SLC44A2: variants seen among roughly 807,000 people sequenced by gnomAD.
SLC44A2 encodes choline transporter-like protein 2.
SLC44A2 carries 57 observed loss-of-function variants against 90.8 expected under a neutral mutation model. The observed-to-expected ratio is 0.63, with a 90% CI of 0.51 to 0.78. The LOEUF (loss-of-function observed/expected upper bound fraction) is 0.78. SLC44A2 is among the 30% of genes least tolerant of loss of function. The probability of loss-of-function intolerance (pLI) is 0.00; values close to 1 mark genes in which losing one functional copy is unlikely to be tolerated. For synonymous variants in SLC44A2, 355 were observed against 360.7 expected (o/e 0.98, Z 0.18); for missense variants, 794 against 919.7 (o/e 0.86, Z 1.77).
intron 21 of SLC44A2, chr19:10,642,856 C>T (rs2067132737): frequency 2.6e-6 from 4 of 1,541,856 alleles, no homozygotes; most frequent in Non-Finnish European, 3.5e-6. Context: ...CCCTTCCCGA[C>T]CACCCCATTT....
chr19:10,603,210 C>A (rs887745395), intron 1 of SLC44A2, among the ~76,000 whole-genome samples: 1 of 152,186 alleles, frequency 6.6e-6, no homozygotes, highest in Non-Finnish European at 1.5e-5. Flanking sequence ...CTTCCTCCGG[C>A]GAACCTCTTG....
intron 14 of SLC44A2, chr19:10,635,768 A>G (rs1462088902): frequency 1.1e-5 from 3 of 262,358 alleles, no homozygotes; most frequent in South Asian, 1.6e-4. Context: ...ATTTTTCCCT[A>G]CTTCCTTTTT....
chr19:10,605,808 A>G (rs1347854546), intron 1 of SLC44A2, among the ~76,000 whole-genome samples: 1 of 151,984 alleles, frequency 6.6e-6, no homozygotes, highest in Admixed American at 6.6e-5. Flanking sequence ...AGCCTGGCCA[A>G]CATGGTGAAA....
At chr19:10,625,691 G>A (rs372374736) in intron 1 of SLC44A2, 21 bp downstream of exon 1, 5 of 1,247,866 alleles carry the variant, frequency 4.0e-6, no homozygotes, top group Non-Finnish European at 5.0e-6. Context: ...ACCCCCGCCC[G>A]TAGCCCCGGG....
upstream of SLC44A2, among the ~76,000 whole-genome samples, chr19:10,623,471 A>G (rs2066906506): frequency 6.6e-6 from 1 of 152,096 alleles, no homozygotes; most frequent in South Asian, 2.1e-4. Flanking sequence ...ATTCCTGCTG[A>G]GGATACCTCC....
At chr19:10,630,334 GAGAA>G (rs2066980194) in intron 4 of SLC44A2, among the ~76,000 whole-genome samples, 1 of 151,388 alleles carries the variant, frequency 6.6e-6, no homozygotes, top group African/African-American at 2.4e-5. Flanking sequence ...CTGGGCAACA[GAGAA>G]AGACTCTTGT....
intron 1 of SLC44A2, among the ~76,000 whole-genome samples, chr19:10,615,040 T>G (rs937799438): frequency 5.4e-5 from 7 of 130,638 alleles, no homozygotes; most frequent in Non-Finnish European, 8.2e-5. Flanking sequence ...AGTAATTGCG[T>G]TTTTTTTTTT....
At chr19:10,612,795 G>C (rs1224761890) in intron 1 of SLC44A2, among the ~76,000 whole-genome samples, 5 of 152,250 alleles carry the variant, frequency 3.3e-5, no homozygotes, top group African/African-American at 7.2e-5. Flanking sequence ...CCCGAAGGCT[G>C]CCTCTCCCAA....
At chr19:10,604,403 A>T (rs1437285971) in intron 1 of SLC44A2, among the ~76,000 whole-genome samples, 1 of 152,220 alleles carries the variant, frequency 6.6e-6, no homozygotes, top group Non-Finnish European at 1.5e-5. Context: ...TGCTTGAAGT[A>T]GGGGTTTTGC....
chr19:10,604,072 A>G (rs1193481979), intron 1 of SLC44A2, among the ~76,000 whole-genome samples: 1 of 152,192 alleles, frequency 6.6e-6, no homozygotes, highest in African/African-American at 2.4e-5. Context: ...ACAAATATTT[A>G]TTGAGCACGA....
At chr19:10,635,689 A>G in intron 14 of SLC44A2, 174 bp downstream of exon 14, 1 of 585,032 alleles carries the variant, frequency 1.7e-6, no homozygotes, top group South Asian at 2.3e-5. Context: ...GGATCGAACA[A>G]CTTCCCAGGG....
intron 1 of SLC44A2, among the ~76,000 whole-genome samples, chr19:10,612,275 G>C (rs565986972): frequency 1.6e-4 from 24 of 152,202 alleles, no homozygotes; most frequent in Non-Finnish European, 2.9e-4. Context: ...GGGAGTCTGA[G>C]GCGGGAGGAT....
At chr19:10,627,851 C>T in intron 3 of SLC44A2, 56 bp downstream of exon 3, 1 of 1,610,596 alleles carries the variant, frequency 6.2e-7, no homozygotes, top group Non-Finnish European at 8.5e-7. Flanking sequence ...GCAGCCATGG[C>T]CTCTGGAGTG....
At chr19:10,630,993 G>A (rs1267740809) in intron 4 of SLC44A2, 64 bp from the exon 5 acceptor site, 56 of 1,284,386 alleles carry the variant, frequency 4.4e-5, no homozygotes, top group African/African-American at 1.9e-4. Flanking sequence ...CAACAAGAGC[G>A]AGACTCTGTC....
At chr19:10,612,328 C>T (rs1044209747) in intron 1 of SLC44A2, among the ~76,000 whole-genome samples, 4 of 151,982 alleles carry the variant, frequency 2.6e-5, no homozygotes, top group African/African-American at 7.2e-5. Flanking sequence ...GCTATGATTG[C>T]GCCCCTGCAC....
At position 10,631,127 on chromosome 19, in the gene SLC44A2, T is replaced by C; in HGVS notation, c.316T>C (p.Cys106Arg). The C allele has an allele frequency of 6.2e-7, 1 of 1,613,974 alleles. No homozygotes were observed. The highest frequency in any genetic ancestry group is 8.5e-7 in the Non-Finnish European group (1 of 1,179,914). ...CCCCCTGGTTCTGCTGGAATTCCAA[T>C]GTCCCACTCCCCAGGTAACCTGGTC... ...ASPLVLLEFQ[C>R]PTPQICVEKC... The change falls in exon 5 of 22, where the codon TGT becomes CGT. Residue 106 changes from cysteine to arginine, a missense_variant. Cys to Arg is a radical substitution (Grantham distance 180, BLOSUM62 -3). Coordinates refer to ENST00000335757, the MANE Select transcript of SLC44A2 (RefSeq NM_020428.4).
At chr19:10,611,408 C>T (rs1019040785) in intron 1 of SLC44A2, among the ~76,000 whole-genome samples, 11 of 151,918 alleles carry the variant, frequency 7.2e-5, no homozygotes, top group South Asian at 2.1e-4. Context: ...GCCAAGATTG[C>T]GCCACTGCAC....
At chr19:10,605,510 G>T (rs1231921476) in intron 1 of SLC44A2, among the ~76,000 whole-genome samples, 1 of 150,924 alleles carries the variant, frequency 6.6e-6, no homozygotes, top group African/African-American at 2.4e-5. Flanking sequence ...GTGAAATTCA[G>T]TCTCGAAATA....
intron 10 of SLC44A2, 56 bp downstream of exon 10, chr19:10,632,212 C>A: frequency 1.3e-6 from 2 of 1,492,198 alleles, no homozygotes; most frequent in Non-Finnish European, 1.9e-6. Context: ...CTGCCCTGCC[C>A]TTTCCCGTGG....
Sources: gnomAD v4.1 joint callset for allele counts (sites outside exome capture counted in the v4.1 genomes callset) on GRCh38, gnomAD v4.1.1 for gene constraint, MANE v1.5 for transcripts, NCBI Gene and HGNC (gene_info 2026-07-23, HGNC 2026-07-21) for gene names.